The following ERP44 variants were observed in gnomAD, a reference collection of about 807,000 sequenced individuals.
The protein encoded by ERP44 is endoplasmic reticulum resident protein 44.
Under a neutral mutation model 53.4 loss-of-function variants are expected in ERP44, and 25 were observed. The ratio of observed to expected loss-of-function variants is 0.47; its 90% confidence interval spans 0.34 to 0.65. ERP44 has a LOEUF of 0.65. ERP44 is among the 30% of genes least tolerant of loss of function. The pLI is 0.01. For missense variants in ERP44, 338 were observed against 493.2 expected, an observed-to-expected ratio of 0.69 and a Z score of 2.98; for synonymous variants, 145 against 161.2, an observed-to-expected ratio of 0.90 and a Z score of 0.76.
intron 2 of ERP44, among the ~76,000 whole-genome samples, 194 bp from the exon 3 acceptor site, chr9:100,058,053 A>G (rs896520770): frequency 1.3e-5 from 2 of 152,070 alleles, no homozygotes; most frequent in Non-Finnish European, 2.9e-5. Flanking sequence ...TTTTCTCTGT[A>G]TGCTTTATCT....
At chr9:100,035,807 G>A (rs913227562) in intron 4 of ERP44, among the ~76,000 whole-genome samples, 8 of 152,158 alleles carry the variant, frequency 5.3e-5, no homozygotes, top group South Asian at 2.1e-4. Flanking sequence ...GCTTATTATC[G>A]CTAATCATCA....
intron 1 of ERP44, among the ~76,000 whole-genome samples, chr9:100,091,402 C>T (rs541548557): frequency 4.2e-4 from 64 of 152,274 alleles, no homozygotes; most frequent in African/African-American, 1.4e-3. Context: ...CTAGTTAGAA[C>T]CCACTAAAGA....
In ERP44 at chr9:100,085,573, G is replaced by A. The variant is rs1826470605; in HGVS notation, c.57+13211C>T. The stretch of plus-strand genomic sequence containing the variant: ...TGGTGTACGTAAGTTAAGGTTACAG[G>A]AGCAAATGAAACTGCATAACTACCA... On this transcript the variant is annotated intron_variant, in intron 1 of 11. Coordinates refer to ENST00000262455, the MANE Select transcript of ERP44 (RefSeq NM_015051.3). Among the ~76,000 whole-genome samples the A allele has an allele frequency of 2.0e-5, 3 of 152,346 alleles. No individual in the cohort carries two copies. The South Asian group carries it at 6.2e-4, about 32-fold the overall frequency.
Position 100,098,773 on chromosome 9 carries a change from C to G in ERP44, c.57+11G>C. 3 of 1,612,478 alleles carry G rather than the reference C, an allele frequency of 1.9e-6. No homozygotes were observed. The highest frequency in any genetic ancestry group is 2.5e-6 in the Non-Finnish European group (3 of 1,178,584). On this transcript the variant is annotated intron_variant, in intron 1 of 11. Coordinates refer to ENST00000262455, the MANE Select transcript of ERP44 (RefSeq NM_015051.3). ...TGCGTTTGTCGATGGGTCTGTCATT[C>G]CCTCACTCACCAGGAGCAGAAGGGA...
At chr9:100,063,726 T>C (rs1209967678) in intron 1 of ERP44, among the ~76,000 whole-genome samples, 1 of 152,204 alleles carries the variant, frequency 6.6e-6, no homozygotes, top group African/African-American at 2.4e-5. Context: ...TTAGACAACA[T>C]ATACAAATAT....
At chr9:100,068,062 C>A (rs543910731) in intron 1 of ERP44, among the ~76,000 whole-genome samples, 1 of 148,062 alleles carries the variant, frequency 6.8e-6, no homozygotes, top group Non-Finnish European at 1.5e-5. Flanking sequence ...CCAGCCGCCC[C>A]ATCCGGGAGG....
intron 10 of ERP44, among the ~76,000 whole-genome samples, chr9:99,987,228 C>G (rs1830203436): frequency 6.6e-6 from 1 of 152,120 alleles, no homozygotes; most frequent in Non-Finnish European, 1.5e-5. Flanking sequence ...TAGCTTGTGG[C>G]CAGAAACTAT....
chr9:100,012,761 C>T (rs749502545), intron 8 of ERP44, among the ~76,000 whole-genome samples: 1 of 152,106 alleles, frequency 6.6e-6, no homozygotes, highest in Non-Finnish European at 1.5e-5. Flanking sequence ...TAGACTTCTG[C>T]TTCCAGAAAG....
chr9:99,984,031 T>TG (rs1447613782), intron 11 of ERP44, among the ~76,000 whole-genome samples: 1 of 152,154 alleles, frequency 6.6e-6, no homozygotes, highest in East Asian at 1.9e-4. Flanking sequence ...TAATCACCTT[T>TG]GGGTTATAGC....
At chr9:100,043,944 T>A (rs569241607) in intron 4 of ERP44, among the ~76,000 whole-genome samples, 3 of 152,294 alleles carry the variant, frequency 2.0e-5, no homozygotes, top group African/African-American at 7.2e-5. Context: ...GAGAGGATTA[T>A]CCTGATGTAA....
At chr9:100,098,138 T>G (rs992688393) in intron 1 of ERP44, among the ~76,000 whole-genome samples, 1 of 152,138 alleles carries the variant, frequency 6.6e-6, no homozygotes. Flanking sequence ...GAATGCATAT[T>G]CAAATAAGGC....
intron 1 of ERP44, among the ~76,000 whole-genome samples, chr9:100,082,252 C>A (rs1043234033): frequency 2.0e-5 from 3 of 150,484 alleles, no homozygotes; most frequent in Admixed American, 2.0e-4. Context: ...GAATAAAATA[C>A]CAAAATGTTT....
At chr9:99,984,270 T>G (rs1485616094) in intron 11 of ERP44, among the ~76,000 whole-genome samples, 1 of 152,160 alleles carries the variant, frequency 6.6e-6, no homozygotes, top group Admixed American at 6.5e-5. Flanking sequence ...TTTTGGTACA[T>G]ATCTTCCCTC....
intron 4 of ERP44, among the ~76,000 whole-genome samples, chr9:100,043,915 A>G (rs773156077): frequency 3.9e-5 from 6 of 152,232 alleles, no homozygotes; most frequent in Non-Finnish European, 7.3e-5. Flanking sequence ...AATTTATTGT[A>G]TATTTTTGAG....
intron 4 of ERP44, among the ~76,000 whole-genome samples, chr9:100,039,375 AC>A (rs1564095495): frequency 6.6e-6 from 1 of 152,216 alleles, no homozygotes; most frequent in Non-Finnish European, 1.5e-5. Context: ...GAAATGGATA[AC>A]AAGAGAAATC....
intron 10 of ERP44, among the ~76,000 whole-genome samples, chr9:99,994,097 T>C (rs1411847675): frequency 6.6e-6 from 1 of 152,186 alleles, no homozygotes; most frequent in African/African-American, 2.4e-5. Context: ...AGTGTGGCAA[T>C]TCCTCCAGGA....
intron 1 of ERP44, among the ~76,000 whole-genome samples, chr9:100,063,460 T>G (rs960468369): frequency 7.9e-5 from 12 of 152,134 alleles, no homozygotes; most frequent in African/African-American, 2.9e-4. Flanking sequence ...GACAAATTGT[T>G]TTTTTTCCTG....
At chr9:100,011,757 A>C (rs1830478670) in intron 8 of ERP44, among the ~76,000 whole-genome samples, 1 of 152,214 alleles carries the variant, frequency 6.6e-6, no homozygotes, top group South Asian at 2.1e-4. Flanking sequence ...CAGGTTCAAA[A>C]ATAACACTGA....
chr9:100,018,276 T>C lies in ERP44; in HGVS notation c.625A>G (p.Ile209Val). 1 of 1,606,400 alleles carries C rather than the reference T, an allele frequency of 6.2e-7. No individual in the cohort carries two copies. Among genetic ancestry groups the C allele is most frequent in the Non-Finnish European group, 8.5e-7 (1 of 1,173,126 alleles). ...CTTACCCCTGGTGGTTTGTAGATTA[T>C]GTTGTCGCCACTATATCTTTCCGGT... ...SKPERYSGDN[I>V]IYKPPGHSAP... The change falls in exon 7 of 12, where the codon ATA becomes GTA. Residue 209 changes from isoleucine (I) to valine (V), a missense_variant. Coordinates refer to ENST00000262455, the MANE Select transcript of ERP44 (RefSeq NM_015051.3).
Sources: allele counts gnomAD v4.1 joint callset (sites outside exome capture counted in the v4.1 genomes callset), GRCh38; gene constraint gnomAD v4.1.1; transcripts MANE v1.5; gene names NCBI Gene and HGNC (gene_info 2026-07-23, HGNC 2026-07-21).